Variants in COX7B2 observed in about 807,000 individuals in gnomAD.
The protein encoded by COX7B2 is cytochrome c oxidase subunit 7B2.
For missense variants in COX7B2, 109 were observed against 95.9 expected (o/e 1.14, Z -0.57); for synonymous variants, 37 against 32.1 (o/e 1.15, Z -0.51).
chr4:46,753,534 C>T (rs1715542800), intron 2 of COX7B2, among the ~76,000 whole-genome samples: 6 of 151,558 alleles, frequency 4.0e-5, no homozygotes, highest in Admixed American at 2.0e-4. Flanking sequence ...AACTGGATCC[C>T]TTCCTTACAC....
chr4:46,768,344 G>GC, intron 2 of COX7B2, among the ~76,000 whole-genome samples: 1 of 134,066 alleles, frequency 7.5e-6, no homozygotes, highest in African/African-American at 2.6e-5. Context: ...TCCAACCATA[G>GC]TCTCCAATAT....
intron 1 of COX7B2, among the ~76,000 whole-genome samples, chr4:46,905,584 C>G (rs1172415555): frequency 6.6e-6 from 1 of 152,112 alleles, no homozygotes; most frequent in East Asian, 1.9e-4. Context: ...ATACTGTTGC[C>G]TCTCTCAGAG....
intron 2 of COX7B2, among the ~76,000 whole-genome samples, chr4:46,766,065 G>GGGAT: frequency 3.3e-5 from 5 of 152,136 alleles, no homozygotes; most frequent in African/African-American, 1.2e-4. Context: ...CAAGCACTCA[G>GGGAT]CCAGACCCTG....
chr4:46,740,530 G>A (rs978930352), intron 2 of COX7B2, among the ~76,000 whole-genome samples: 7 of 152,044 alleles, frequency 4.6e-5, no homozygotes, highest in South Asian at 2.1e-4. Flanking sequence ...GATTCCAAAC[G>A]TAACTCAAGT....
intron 1 of COX7B2, among the ~76,000 whole-genome samples, chr4:46,851,882 T>C (rs891982394): frequency 2.6e-5 from 4 of 152,136 alleles, no homozygotes; most frequent in African/African-American, 9.7e-5. Flanking sequence ...TCAATGTGTC[T>C]TATTCCAAAT....
intron 1 of COX7B2, among the ~76,000 whole-genome samples, chr4:46,868,832 A>C (rs576549015): frequency 6.6e-6 from 1 of 152,330 alleles, no homozygotes; most frequent in African/African-American, 2.4e-5. Flanking sequence ...GGCAATGAGA[A>C]GAATGTGTAT....
chr4:46,818,542 C>T (rs908455140), intron 2 of COX7B2, among the ~76,000 whole-genome samples: 1 of 151,638 alleles, frequency 6.6e-6, no homozygotes, highest in Non-Finnish European at 1.5e-5. Flanking sequence ...TAGGCTGAGG[C>T]AGGAGAATGG....
chr4:46,874,457 A>G (rs1238786572), intron 1 of COX7B2, among the ~76,000 whole-genome samples: 1 of 152,174 alleles, frequency 6.6e-6, no homozygotes, highest in Non-Finnish European at 1.5e-5. Context: ...CTAATGTGCA[A>G]AACAAAAAAC....
intron 2 of COX7B2, among the ~76,000 whole-genome samples, chr4:46,824,356 A>G (rs1163668907): frequency 3.3e-5 from 5 of 152,072 alleles, no homozygotes; most frequent in Non-Finnish European, 7.4e-5. Flanking sequence ...CTGGCAACAT[A>G]CACATCTTTT....
At chr4:46,759,764 T>A (rs1248819918) in intron 2 of COX7B2, among the ~76,000 whole-genome samples, 2 of 151,150 alleles carry the variant, frequency 1.3e-5, no homozygotes, top group African/African-American at 4.9e-5. Context: ...AAGTGTTATA[T>A]AAGTTATATG....
At chr4:46,888,454 T>C (rs1310725765) in intron 1 of COX7B2, among the ~76,000 whole-genome samples, 1 of 151,604 alleles carries the variant, frequency 6.6e-6, no homozygotes, top group Non-Finnish European at 1.5e-5. Flanking sequence ...TTTTTTTTTC[T>C]TTTTTTTGAG....
At position 46,735,112 on chromosome 4, in the gene COX7B2, A is replaced by T. The variant is rs201505906; in HGVS notation, c.81T>A (p.His27Gln). 66 of 1,614,006 alleles carry T rather than the reference A, an allele frequency of 4.1e-5. No homozygotes were observed. The East Asian group carries it at 7.8e-4, about 19-fold the overall frequency. The change falls in exon 3 of 3, where the codon CAT becomes CAA. Residue 27 changes from histidine (H) to glutamine (Q), a missense_variant. Coordinates refer to ENST00000355591, the MANE Select transcript of COX7B2 (RefSeq NM_130902.3). ...SILQSMARHS[H>Q]VKHSPDFHDK... Reference sequence around the variant, plus strand: ...CATGAAAATCTGGTGAGTGTTTTACATGGCTATGTCTTGCCATGCTTTGCA... The same window carrying T: ...CATGAAAATCTGGTGAGTGTTTTACTTGGCTATGTCTTGCCATGCTTTGCA...
intron 1 of COX7B2, among the ~76,000 whole-genome samples, chr4:46,893,869 A>C (rs1043214435): frequency 2.6e-5 from 4 of 152,324 alleles, no homozygotes; most frequent in African/African-American, 9.6e-5. Flanking sequence ...ATATACCAAC[A>C]ACAGCCAAGC....
At chr4:46,835,389 GAA>G (rs150742762) in intron 2 of COX7B2, among the ~76,000 whole-genome samples, 1 of 147,790 alleles carries the variant, frequency 6.8e-6, no homozygotes, top group Admixed American at 6.8e-5. Context: ...TTTAAAATCA[GAA>G]AAAAAAAATG....
chr4:46,825,619 C>T (rs907245402), intron 2 of COX7B2, among the ~76,000 whole-genome samples: 1 of 152,138 alleles, frequency 6.6e-6, no homozygotes, highest in Non-Finnish European at 1.5e-5. Context: ...ATGAGGTTAC[C>T]TGACTTCAAA....
At chr4:46,849,931 G>C (rs969376556) in intron 1 of COX7B2, among the ~76,000 whole-genome samples, 1 of 151,900 alleles carries the variant, frequency 6.6e-6, no homozygotes, top group Admixed American at 6.6e-5. Flanking sequence ...ATTAAGTCTA[G>C]CCCTGTGCTT....
intron 2 of COX7B2, among the ~76,000 whole-genome samples, chr4:46,749,341 C>A (rs914428518): frequency 6.6e-6 from 1 of 151,890 alleles, no homozygotes; most frequent in Non-Finnish European, 1.5e-5. Context: ...TGTCTCCATC[C>A]TAACTTAACT....
chr4:46,812,434 G>A (rs73142947), intron 2 of COX7B2, among the ~76,000 whole-genome samples: 4,306 of 152,126 alleles, frequency 0.028, 179 homozygotes, highest in African/African-American at 0.098. Context: ...CTGCAATTCA[G>A]GACCCAGAAC....
At chr4:46,885,949 G>T (rs1719060289) in intron 1 of COX7B2, among the ~76,000 whole-genome samples, 2 of 152,092 alleles carry the variant, frequency 1.3e-5, no homozygotes, top group African/African-American at 4.8e-5. Context: ...TAGAATAAAT[G>T]TATTGAATCA....
Sources: gnomAD v4.1 joint callset for allele counts (sites outside exome capture counted in the v4.1 genomes callset) on GRCh38, gnomAD v4.1.1 for gene constraint, MANE v1.5 for transcripts, NCBI Gene and HGNC (gene_info 2026-07-23, HGNC 2026-07-21) for gene names.